The following DRC4 variants were observed in gnomAD, a reference collection of about 807,000 sequenced individuals.
DRC4 encodes GAS-11.
At chr16:90,037,404 G>A in the DRC4 span, 3 of 1,606,444 alleles carry the variant, frequency 1.9e-6, no homozygotes, top group Admixed American at 5.1e-5. Context: ...CTGCTTGTGA[G>A]TTTCCCGCTG....
At chr16:90,021,322 T>C in the DRC4 span, among the ~76,000 whole-genome samples, 2 of 152,170 alleles carry the variant, frequency 1.3e-5, no homozygotes, top group African/African-American at 4.8e-5. Context: ...CTTTCATTTC[T>C]CACACTTTGC....
At chr16:90,032,022 T>C in the DRC4 span, among the ~76,000 whole-genome samples, 3 of 151,904 alleles carry the variant, frequency 2.0e-5, no homozygotes, top group African/African-American at 7.3e-5. Flanking sequence ...TCTACAGGTA[T>C]GTACAGGTGA....
At chr16:90,028,856 G>A in the DRC4 span, 2 of 964,034 alleles carry the variant, frequency 2.1e-6, no homozygotes, top group Non-Finnish European at 2.8e-6. Flanking sequence ...ATACGAAGGA[G>A]ACTGAAAGAG....
the DRC4 span, among the ~76,000 whole-genome samples, chr16:90,038,626 A>G: frequency 6.6e-6 from 1 of 152,198 alleles, no homozygotes; most frequent in Non-Finnish European, 1.5e-5. Flanking sequence ...TCATCTGTCC[A>G]GAGGGCTGCT....
the DRC4 span, chr16:90,042,267 G>T: frequency 1.6e-6 from 1 of 623,172 alleles, no homozygotes; most frequent in East Asian, 3.3e-5. Context: ...GGTTGTGCAA[G>T]CTCCCAGTTC....
the DRC4 span, among the ~76,000 whole-genome samples, chr16:90,021,510 C>T: frequency 6.6e-6 from 1 of 151,808 alleles, no homozygotes; most frequent in African/African-American, 2.4e-5. Context: ...CCTCCACCTC[C>T]AGGGCTCAAA....
chr16:90,037,953 T>C, the DRC4 span: 3 of 974,940 alleles, frequency 3.1e-6, no homozygotes, highest in Non-Finnish European at 4.9e-6. Flanking sequence ...GCAGTGGGGA[T>C]GGCACCCCTG....
the DRC4 span, chr16:90,037,863 G>A: frequency 3.1e-6 from 5 of 1,610,106 alleles, no homozygotes; most frequent in East Asian, 2.2e-5. Context: ...GTGGCACCAC[G>A]CTGGCCCTGC....
At chr16:90,031,216 C>G in the DRC4 span, 1 of 1,591,720 alleles carries the variant, frequency 6.3e-7, no homozygotes, top group South Asian at 1.1e-5. Context: ...CCTCTTTCTT[C>G]CTTGCCTTTC....
the DRC4 span, chr16:90,037,315 A>T: frequency 6.2e-7 from 1 of 1,614,058 alleles, no homozygotes; most frequent in Non-Finnish European, 8.5e-7. Context: ...AGCGCCTGGC[A>T]GACCCTCTCC....
At chr16:90,040,477 G>A in the DRC4 span, 12 of 1,607,862 alleles carry the variant, frequency 7.5e-6, no homozygotes, top group South Asian at 1.2e-4. Context: ...CCTGGACCCT[G>A]CAGCCCTGAC....
the DRC4 span, chr16:90,043,420 G>T: frequency 7.2e-7 from 1 of 1,388,598 alleles, no homozygotes; most frequent in East Asian, 2.3e-5. Context: ...TCACACCAAG[G>T]ACAGCAAGTT....
chr16:90,027,768 G>A, the DRC4 span: 7 of 1,553,038 alleles, frequency 4.5e-6, no homozygotes, highest in Non-Finnish European at 6.2e-6. Flanking sequence ...GGCGTGGGCG[G>A]GCACCACGCA....
chr16:90,037,009 G>C, the DRC4 span: 1 of 591,308 alleles, frequency 1.7e-6, no homozygotes, highest in Admixed American at 3.1e-5. Flanking sequence ...CTTGAACAAA[G>C]TATAGTCCTT....
At chr16:90,033,892 G>T in the DRC4 span, among the ~76,000 whole-genome samples, 14 of 151,482 alleles carry the variant, frequency 9.2e-5, no homozygotes, top group African/African-American at 3.4e-4. Flanking sequence ...GCAGTTGACC[G>T]GCTGGGAGAC....
the DRC4 span, chr16:90,027,767 G>T: frequency 1.3e-6 from 2 of 1,551,662 alleles, no homozygotes; most frequent in Non-Finnish European, 1.8e-6. Context: ...GGGCGTGGGC[G>T]GGCACCACGC....
the DRC4 span, chr16:90,036,529 T>G: frequency 6.2e-7 from 1 of 1,610,214 alleles, no homozygotes; most frequent in South Asian, 1.1e-5. Flanking sequence ...TCACCGACAT[T>G]AAGAACTACT....
the DRC4 span, chr16:90,027,548 C>G: frequency 7.4e-7 from 1 of 1,355,124 alleles, no homozygotes; most frequent in Non-Finnish European, 1.1e-6. Context: ...CCAGAACCTT[C>G]TCTGCCAAAT....
At chr16:90,031,326 G>A in the DRC4 span, 6 of 1,613,172 alleles carry the variant, frequency 3.7e-6, no homozygotes, top group East Asian at 1.1e-4. Flanking sequence ...CCGCATCCGG[G>A]AGGAGCTGGA....
Sources: gnomAD v4.1 joint callset for allele counts (sites outside exome capture counted in the v4.1 genomes callset) on GRCh38, gnomAD v4.1.1 for gene constraint, MANE v1.5 for transcripts, NCBI Gene and HGNC (gene_info 2026-07-23, HGNC 2026-07-21) for gene names.